The following NOTCH4 variants were observed in gnomAD, a reference collection of about 807,000 sequenced individuals.
NOTCH4 encodes notch receptor 4.
NOTCH4 carries 138 observed loss-of-function variants against 189.0 expected under a neutral mutation model. The ratio of observed to expected loss-of-function variants is 0.73; its 90% CI spans 0.64 to 0.84. NOTCH4 has a LOEUF of 0.84. Among genes scored for constraint, NOTCH4 ranks in the 40% least tolerant of loss-of-function variants. The pLI is 0.00. For synonymous variants in NOTCH4, 942 were observed against 1,032.8 expected, an observed-to-expected ratio of 0.91 and a Z score of 1.69; for missense variants, 2,286 against 2,605.4, an observed-to-expected ratio of 0.88 and a Z score of 2.67.
chr6:32,222,724 A>G lies in NOTCH4; in HGVS notation c.238T>C (p.Cys80Arg). ...NAQLCQNGGS[C>R]QALLPAPLGL... is the part of the protein sequence containing the mutation. Reference sequence around the variant, plus strand: ...AGGGGAGCGGGAAGCAGGGCTTGGCAGCTGCCTCCATTTTGGCAGAGCTGG... The same window carrying G: ...AGGGGAGCGGGAAGCAGGGCTTGGCGGCTGCCTCCATTTTGGCAGAGCTGG... The change falls in exon 3 of 30, where the codon TGC (cysteine) becomes CGC (arginine). Residue 80 changes from cysteine (C) to arginine (R), a missense_variant. Physicochemically the swap from Cys to Arg is radical, Grantham distance 180. This residue lies in a region of NOTCH4 where 1,903 missense variants were observed against 2,261.9 expected (regional missense o/e 0.84). Coordinates refer to ENST00000375023, the MANE Select transcript of NOTCH4 (RefSeq NM_004557.4). The G allele has an allele frequency of 1.2e-6, 2 of 1,610,496 alleles. No homozygotes were observed. The highest frequency in any genetic ancestry group is 1.7e-6 in the Non-Finnish European group (2 of 1,178,860).
intron 13 of NOTCH4, 53 bp from the exon 14 acceptor site, chr6:32,213,893 C>T (rs1355758184): frequency 2.3e-5 from 36 of 1,584,728 alleles, no homozygotes; most frequent in Non-Finnish European, 3.1e-5. Flanking sequence ...CCTCCCTCCG[C>T]TCTCCTTCTC....
rs2127465584 is a variant in NOTCH4 at position 32,201,162 on chromosome 6, G to A, written c.4094C>T (p.Pro1365Leu). Residue 1365 changes from proline (P) to leucine (L), a missense_variant, in exon 22 of 30, where the codon CCT becomes CTT. Around this residue, in one of 2 missense-constraint regions of NOTCH4, gnomAD observed 1,903 missense variants for 2,261.9 expected, o/e 0.84. Coordinates refer to ENST00000375023, the MANE Select transcript of NOTCH4 (RefSeq NM_004557.4). This position sits in a 1 kb window ranked among gnomAD's most constrained non-coding sequence, Gnocchi z 5.5. ...CTCCTTGCCCAGGGGCTGCGTTTGA[G>A]GGGCTGCTCTCTCCTGATAGGTGGG... ...RDPTYQERAA[P>L]QTQPLGKETD... 3.7e-6 allele frequency: 6 copies of A among 1,612,676 alleles called. No individual in the cohort carries two copies. Among genetic ancestry groups the A allele is most frequent in the Non-Finnish European group, 5.1e-6 (6 of 1,179,792 alleles).
chr6:32,219,938 G>A, intron 7 of NOTCH4, 152 bp from the exon 8 acceptor site: 1 of 893,524 alleles, frequency 1.1e-6, no homozygotes, highest in East Asian at 2.6e-5. Flanking sequence ...GGAAATAAGG[G>A]ACCAAACTCA....
At position 32,220,599 on chromosome 6, in the gene NOTCH4, C is replaced by G. The variant is rs1317413244; in HGVS notation, c.965G>C (p.Gly322Ala). The G allele has an allele frequency of 1.2e-6, 2 of 1,613,624 alleles. No individual in the cohort carries two copies. The highest frequency in any genetic ancestry group is 1.7e-6 in the Non-Finnish European group (2 of 1,179,874). Residue 322 changes from glycine (G) to alanine (A), a missense_variant, in exon 6 of 30, where the codon GGT becomes GCT. This residue lies in a region of NOTCH4 where 1,903 missense variants were observed against 2,261.9 expected (regional missense o/e 0.84). Transcript: ENST00000375023. ...SEDVDECETQ[G>A]PPHCRNGGTC... ...GCCCCCGTTTCTGCAGTGAGGGGGA[C>G]CCTGGGTCTCACACTCATCCACATC... is the stretch of plus-strand genomic sequence containing the variant.
chr6:32,197,264 C>T (rs775100319), intron 27 of NOTCH4, 35 bp downstream of exon 27: 25 of 1,515,402 alleles, frequency 1.6e-5, no homozygotes, highest in Non-Finnish European at 2.2e-5. Flanking sequence ...TGTAAGCTCG[C>T]CCCATTCCCT....
chr6:32,223,146 T>G, intron 1 of NOTCH4, 60 bp from the exon 2 acceptor site: 1 of 1,301,416 alleles, frequency 7.7e-7, no homozygotes, highest in Non-Finnish European at 1.1e-6. Context: ...ACCTTTCCTC[T>G]TCTAGGTGCT....
rs1304127719 is a variant in NOTCH4 at position 32,220,271 on chromosome 6, G to A, written c.1173C>T (p.His391=). 2 of 1,613,220 alleles carry A rather than the reference G, an allele frequency of 1.2e-6. No homozygotes were observed. The highest frequency in any genetic ancestry group is 2.7e-5 in the African/African-American group (2 of 74,864). ...CPPGRTGLLC[H]LEDMCLSQPC... ...GCTGGCTCAGACACATGTCTTCCAAGTGGCACAGGAGTCCTGGAGGGGTAA... is the reference window on the plus strand; with the variant it reads ...GCTGGCTCAGACACATGTCTTCCAAATGGCACAGGAGTCCTGGAGGGGTAA... The change falls in exon 7 of 30, where the codon CAC becomes CAT. Residue 391 remains histidine (H), a synonymous_variant. Transcript: ENST00000375023.
chr6:32,207,481 G>T (rs550254830), intron 18 of NOTCH4, among the ~76,000 whole-genome samples: 1 of 150,712 alleles, frequency 6.6e-6, no homozygotes, highest in African/African-American at 2.4e-5. Context: ...AAAATTAGCC[G>T]GGCGTAGTGG....
Position 32,213,141 on chromosome 6 carries a change from G to A in NOTCH4, c.2432C>T (p.Ala811Val). The A allele has an allele frequency of 1.9e-6, 3 of 1,612,258 alleles. No individual in the cohort carries two copies. Among genetic ancestry groups the A allele is most frequent in the Non-Finnish European group, 2.5e-6 (3 of 1,178,498 alleles). The part of the protein sequence containing the change: ...RCEGKLRPSC[A>V]DSPCRNRATC... ...GTCTTTGGGCCCTGCTCACCTGTCT[G>A]CACAGCTGGGGCGGAGCTTTCCCTC... The change falls in exon 15 of 30, where the codon GCA becomes GTA. Residue 811 changes from alanine to valine, a missense_variant. Ala to Val is a moderately conservative substitution (Grantham distance 64). Around this residue, in one of 2 missense-constraint regions of NOTCH4, gnomAD observed 1,903 missense variants for 2,261.9 expected, o/e 0.84. Coordinates refer to ENST00000375023, the MANE Select transcript of NOTCH4 (RefSeq NM_004557.4).
In NOTCH4 at chr6:32,201,989, C is replaced by T. The variant is rs1788377050; in HGVS notation, c.3755+87G>A. The T allele has an allele frequency of 1.6e-6, 2 of 1,277,700 alleles. No homozygotes were observed. The highest frequency in any genetic ancestry group is 2.0e-6 in the Non-Finnish European group (2 of 977,008). 79.1% of individuals were successfully genotyped at this position (1,277,700 alleles called of 1,614,324 possible). On this transcript the variant is annotated intron_variant, in intron 21 of 29. Transcript: ENST00000375023. The surrounding 1 kb of genome is among the most constrained non-coding windows in gnomAD (Gnocchi z 5.5). ...ACTCCCTGGAGCCCAAGGCTGTGGC[C>T]ACACTGTAACTCAGAGCCATCTACG...
chr6:32,213,214 C>A lies in NOTCH4; in HGVS notation c.2359G>T (p.Gly787Cys). Residue 787 changes from glycine (G) to cysteine (C), a missense_variant, in exon 15 of 30, where the codon GGC becomes TGC. By Grantham distance (159) the Gly-to-Cys change is radical. Coordinates refer to ENST00000375023, the MANE Select transcript of NOTCH4 (RefSeq NM_004557.4). The stretch of plus-strand genomic sequence containing the variant: ...ATGGCACAGAGGCAGGAGAAGGTGC[C>A]AGGCCTGTTCACACAGGTACCCCCA... ...FNGGTCVNRPGTFSCLCAMGF... is the reference protein window; with the variant it reads ...FNGGTCVNRPCTFSCLCAMGF... 2 of 1,614,030 alleles carry A rather than the reference C, an allele frequency of 1.2e-6. No homozygotes were observed. Among genetic ancestry groups the A allele is most frequent in the Non-Finnish European group, 1.7e-6 (2 of 1,179,956 alleles).
rs945288635 is a variant in NOTCH4, at chr6:32,197,582, G to T, written c.4769C>A (p.Pro1590His). Residue 1590 changes from proline to histidine, a missense_variant, in exon 27 of 30, where the codon CCC becomes CAC. By Grantham distance (77) the Pro-to-His change is moderately conservative (BLOSUM62 -2). This residue lies in a region of NOTCH4 where 1,903 missense variants were observed against 2,261.9 expected (regional missense o/e 0.84). Transcript: ENST00000375023. ...CCCACAGCAAACTGCTGACATCAGGGGTGTCACCCCATCTGTTGGTAAGAC... is the reference window on the plus strand; with the variant it reads ...CCCACAGCAAACTGCTGACATCAGGTGTGTCACCCCATCTGTTGGTAAGAC... ...LDTRGPDGVT[P>H]LMSAVCCGEV... is the part of the protein sequence containing the mutation. 1 of 1,610,672 alleles carries T rather than the reference G, an allele frequency of 6.2e-7. No individual in the cohort carries two copies. The highest frequency in any genetic ancestry group is 1.3e-5 in the African/African-American group (1 of 74,764).
Position 32,212,739 on chromosome 6 carries a change from T to A in NOTCH4, c.2526+85A>T, listed in dbSNP as rs1284393916. On this transcript the variant is annotated intron_variant, in intron 16 of 29. Coordinates refer to ENST00000375023, the MANE Select transcript of NOTCH4 (RefSeq NM_004557.4). This position sits in a 1 kb window ranked among gnomAD's most constrained non-coding sequence, Gnocchi z 4.4. ...ATCCCTTACTTCAAAAACCTTCTCC[T>A]GAATGGCCTGGGACCAGGTGACCCT... 1 of 1,472,198 alleles carries A rather than the reference T, an allele frequency of 6.8e-7. No homozygotes were observed. The highest frequency in any genetic ancestry group is 9.1e-7 in the Non-Finnish European group (1 of 1,096,530). The allele number at this position is 1,472,198 out of a possible 1,614,324, so 91.2% of individuals were successfully genotyped here.
rs1788410234 is a variant in NOTCH4, at chr6:32,202,385, G to T, written c.3446C>A (p.Thr1149Asn). Residue 1149 changes from threonine (T) to asparagine (N), a missense_variant, in exon 21 of 30, where the codon ACC (threonine) becomes AAC (asparagine). By Grantham distance (65) the Thr-to-Asn change is moderately conservative. Transcript: ENST00000375023. This position sits in a 1 kb window ranked among gnomAD's most constrained non-coding sequence, Gnocchi z 5.7. ...PCLYNGSCSETTGLGGPGFRC... is the reference protein window; with the variant it reads ...PCLYNGSCSENTGLGGPGFRC... ...AAAGCCTGGGCCCCCCAAGCCCGTG[G>T]TCTCTGAGCAGCTGCCATTGTATAG... 1.9e-6 allele frequency: 3 copies of T among 1,612,750 alleles called. No individual in the cohort carries two copies. The highest frequency in any genetic ancestry group is 1.3e-5 in the African/African-American group (1 of 75,072).
Position 32,201,034 on chromosome 6 carries a change from T to G in NOTCH4, c.4140-28A>C, listed in dbSNP as rs1561918546. The G allele has an allele frequency of 1.3e-6, 2 of 1,559,048 alleles. No homozygotes were observed. Among genetic ancestry groups the G allele is most frequent in the Non-Finnish European group, 1.7e-6 (2 of 1,153,540 alleles). ...GTAGAGGAGGCACCTCAGAGACCTC[T>G]GTATTGGTCCCTGGCTCCCTTTCCT... On this transcript the variant is annotated intron_variant, in intron 22 of 29. Coordinates refer to ENST00000375023, the MANE Select transcript of NOTCH4 (RefSeq NM_004557.4). The surrounding 1 kb of genome is among the most constrained non-coding windows in gnomAD (Gnocchi z 5.5).
At chr6:32,211,532 G>A (rs1329057605) in intron 17 of NOTCH4, among the ~76,000 whole-genome samples, 1 of 151,986 alleles carries the variant, frequency 6.6e-6, no homozygotes, top group Non-Finnish European at 1.5e-5. Context: ...GGTGAAGGTT[G>A]CAGTGAGCCG....
At chr6:32,205,354 C>T (rs1421697153) in intron 18 of NOTCH4, among the ~76,000 whole-genome samples, 3 of 151,220 alleles carry the variant, frequency 2.0e-5, no homozygotes, top group African/African-American at 7.3e-5. Flanking sequence ...TCGAGACCAG[C>T]CTGGCCAATA....
At chr6:32,218,587 C>T (rs1353900441) in intron 8 of NOTCH4, among the ~76,000 whole-genome samples, 1 of 152,170 alleles carries the variant, frequency 6.6e-6, no homozygotes, top group African/African-American at 2.4e-5. Context: ...GCTTTGGGTT[C>T]ATCCTGGTCT....
At chr6:32,222,469 G>T in intron 3 of NOTCH4, 42 bp downstream of exon 3, 1 of 1,478,760 alleles carries the variant, frequency 6.8e-7, no homozygotes. Flanking sequence ...CTAGCCCATT[G>T]CTCCTGCCTG....
Sources: gnomAD v4.1 joint callset for allele counts (sites outside exome capture counted in the v4.1 genomes callset) on GRCh38, gnomAD v4.1.1 for gene constraint, gnomAD v4.1.1 regional missense constraint, Gnocchi (gnomAD v3.1) non-coding constraint, MANE v1.5 for transcripts, NCBI Gene and HGNC (gene_info 2026-07-23, HGNC 2026-07-21) for gene names.